Variants in TRHDE observed in about 807,000 individuals in gnomAD.
The protein encoded by TRHDE is thyrotropin-releasing hormone-degrading ectoenzyme.
A neutral mutation model predicts 125.7 loss-of-function variants in TRHDE; 72 were observed. That is an observed-to-expected ratio of 0.57 (90% CI 0.47 to 0.70). The LOEUF (loss-of-function observed/expected upper bound fraction) is 0.70. TRHDE is among the 30% of genes least tolerant of loss of function. The probability of loss-of-function intolerance (pLI) is 0.00; values close to 1 mark genes in which losing one functional copy is unlikely to be tolerated. For synonymous variants in TRHDE, 509 were observed against 509.1 expected, an observed-to-expected ratio of 1.00 and a Z score of 0.00; for missense variants, 1,110 against 1,327.1, an observed-to-expected ratio of 0.84 and a Z score of 2.54.
At position 72,534,486 on chromosome 12, in the gene TRHDE, G is replaced by A. The variant is rs567717647; in HGVS notation, c.1723-7805G>A. ...CATTGCCTGAGAATGCTCAAAGAAT[G>A]TACGGTCCCAGTGAAAGATATATGC... On this transcript the variant is annotated intron_variant, in intron 6 of 18. Coordinates refer to ENST00000261180, the MANE Select transcript of TRHDE (RefSeq NM_013381.3). 3.9e-5 allele frequency among the ~76,000 whole-genome samples: 6 copies of A among 152,138 alleles called. No homozygotes were observed. The South Asian group carries it at 1.2e-3, about 32-fold the overall frequency.
intron 2 of TRHDE, among the ~76,000 whole-genome samples, chr12:72,300,929 C>T (rs929272773): frequency 6.6e-6 from 1 of 152,014 alleles, no homozygotes; most frequent in Non-Finnish European, 1.5e-5. Flanking sequence ...TAGCCCTGTG[C>T]GGTTATTTCT....
intron 2 of TRHDE, among the ~76,000 whole-genome samples, chr12:72,344,583 T>C (rs1485500424): frequency 2.0e-5 from 3 of 152,110 alleles, no homozygotes; most frequent in Admixed American, 6.5e-5. Context: ...GATAGGATGA[T>C]GCAAGTGGGC....
chr12:72,128,896 A>T (rs1275572065), intron 2 of TRHDE, among the ~76,000 whole-genome samples: 1 of 152,166 alleles, frequency 6.6e-6, no homozygotes, highest in African/African-American at 2.4e-5. Context: ...AAAATTTCCA[A>T]ATTTAATGTA....
intron 3 of TRHDE, among the ~76,000 whole-genome samples, chr12:72,398,930 C>T (rs1239625399): frequency 6.6e-6 from 1 of 152,126 alleles, no homozygotes; most frequent in Non-Finnish European, 1.5e-5. Context: ...GGTTCCCCAA[C>T]CCCCAGGCTG....
rs1181505742 is a variant in TRHDE at position 72,666,420 on chromosome 12, G to A, written c.*3225G>A. ...AAATGAAAACTAGCCAGGCATGGTG[G>A]TGTGCACCTGTTGTCCCAGCTACTG... On this transcript the variant is annotated 3_prime_UTR_variant, in exon 19 of 19. Transcript: ENST00000261180. 1 of 152,102 alleles carries A rather than the reference G, an allele frequency of 6.6e-6. No homozygotes were observed. Among genetic ancestry groups the A allele is most frequent in the Non-Finnish European group, 1.5e-5 (1 of 68,044 alleles). 9.4% of individuals were successfully genotyped at this position (152,102 alleles called of 1,614,324 possible). A position where few individuals can be genotyped will look rare whatever the true frequency, so the allele number is the denominator to read the frequency against.
In TRHDE at chr12:72,503,226, T is replaced by C. The variant is rs567041531; in HGVS notation, c.1722+3591T>C. 7.2e-5 allele frequency among the ~76,000 whole-genome samples: 11 copies of C among 152,308 alleles called. No homozygotes were observed. The East Asian group carries it at 1.9e-3, about 27-fold the overall frequency. On this transcript the variant is annotated intron_variant, in intron 6 of 18. Transcript: ENST00000261180. Reference sequence around the variant, plus strand: ...CATTTATTATATAATTTAATTCTTATAAGCATCTGATGGGGTTGTTATGAT... The same window carrying C: ...CATTTATTATATAATTTAATTCTTACAAGCATCTGATGGGGTTGTTATGAT...
At chr12:72,373,049 A>G (rs892338011) in intron 2 of TRHDE, among the ~76,000 whole-genome samples, 1 of 152,040 alleles carries the variant, frequency 6.6e-6, no homozygotes, top group Non-Finnish European at 1.5e-5. Flanking sequence ...ATTTGTTTGT[A>G]TCCTCTTTTA....
At chr12:72,394,247 T>C (rs1202228115) in intron 3 of TRHDE, among the ~76,000 whole-genome samples, 1 of 152,170 alleles carries the variant, frequency 6.6e-6, no homozygotes, top group Non-Finnish European at 1.5e-5. Flanking sequence ...AATAGTCCAA[T>C]TAACAGTAGA....
chr12:72,300,548 T>A lies in TRHDE; in HGVS notation c.1188+13594T>A, dbSNP rs142102731. Reference sequence around the variant, plus strand: ...TCTTGGGAGGCTTATAGAAATAATGTATGGCATATATGTGTGTGTGTGTGC... The same window carrying A: ...TCTTGGGAGGCTTATAGAAATAATGAATGGCATATATGTGTGTGTGTGTGC... On this transcript the variant is annotated intron_variant, in intron 2 of 18. Coordinates refer to ENST00000261180, the MANE Select transcript of TRHDE (RefSeq NM_013381.3). Among the ~76,000 whole-genome samples, 469 of 151,914 alleles carry A rather than the reference T, an allele frequency of 3.1e-3. 1 individual carries two copies. The highest frequency in any genetic ancestry group is 5.6e-3 in the Non-Finnish European group (380 of 67,904).
chr12:72,352,096 C>T (rs1870607207), intron 2 of TRHDE, among the ~76,000 whole-genome samples: 2 of 151,846 alleles, frequency 1.3e-5, no homozygotes, highest in African/African-American at 4.8e-5. Flanking sequence ...GAACGTTTGT[C>T]TCCTCTGCTT....
intron 2 of TRHDE, among the ~76,000 whole-genome samples, chr12:72,370,773 T>C (rs564433542): frequency 5.3e-5 from 8 of 152,082 alleles, no homozygotes; most frequent in African/African-American, 1.9e-4. Context: ...GATGGAGTCT[T>C]GCTCTGTCAC....
intron 18 of TRHDE, among the ~76,000 whole-genome samples, chr12:72,658,761 A>G (rs1874803704): frequency 6.6e-6 from 1 of 152,172 alleles, no homozygotes; most frequent in Admixed American, 6.5e-5. Flanking sequence ...CTTTTATTTC[A>G]TTATCTACAA....
At chr12:72,189,017 G>A (rs1877285673) in intron 2 of TRHDE, among the ~76,000 whole-genome samples, 1 of 152,116 alleles carries the variant, frequency 6.6e-6, no homozygotes. Flanking sequence ...CAGAAATGAG[G>A]ATAATAAAAT....
At chr12:72,552,625 G>T (rs1441856669) in intron 7 of TRHDE, among the ~76,000 whole-genome samples, 1 of 152,166 alleles carries the variant, frequency 6.6e-6, no homozygotes, top group Non-Finnish European at 1.5e-5. Context: ...AATGTTAAAT[G>T]GAGTAACAAG....
At chr12:72,597,964 C>A (rs951898791) in intron 12 of TRHDE, among the ~76,000 whole-genome samples, 1 of 150,776 alleles carries the variant, frequency 6.6e-6, no homozygotes, top group African/African-American at 2.4e-5. Context: ...TAAAATATAC[C>A]ATTCTTCAAA....
intron 3 of TRHDE, among the ~76,000 whole-genome samples, chr12:72,445,766 G>A (rs1486904063): frequency 6.6e-6 from 1 of 151,954 alleles, no homozygotes; most frequent in African/African-American, 2.4e-5. Flanking sequence ...TGGTCTTGAA[G>A]ATGTTATTAA....
chr12:72,568,168 G>GTAAA (rs1472063338), intron 9 of TRHDE, among the ~76,000 whole-genome samples: 3 of 152,004 alleles, frequency 2.0e-5, no homozygotes, highest in Non-Finnish European at 4.4e-5. Flanking sequence ...ATATTAAAAT[G>GTAAA]TAAATGCATG....
At position 72,663,096 on chromosome 12, in the gene TRHDE, T is replaced by C. The variant is rs1874980859; in HGVS notation, c.3111T>C (p.Ser1037=). 1 of 1,612,962 alleles carries C rather than the reference T, an allele frequency of 6.2e-7. No homozygotes were observed. Among genetic ancestry groups the C allele is most frequent in the Non-Finnish European group, 8.5e-7 (1 of 1,179,470 alleles). ...MKNYDGVAAA[S]FSRAVETVEA... Reference sequence around the variant, plus strand: ...ACTATGATGGGGTAGCTGCTGCTTCTTTCTCACGAGCTGTGGAAACTGTCG... The same window carrying C: ...ACTATGATGGGGTAGCTGCTGCTTCCTTCTCACGAGCTGTGGAAACTGTCG... The change falls in exon 19 of 19, where the codon TCT becomes TCC. Residue 1037 remains serine, a synonymous_variant. Coordinates refer to ENST00000261180, the MANE Select transcript of TRHDE (RefSeq NM_013381.3).
chr12:72,663,980 G>A lies in TRHDE; in HGVS notation c.*785G>A, dbSNP rs970602882. 6.6e-6 allele frequency: 1 copy of A among 152,008 alleles called. No individual in the cohort carries two copies. The highest frequency in any genetic ancestry group is 1.5e-5 in the Non-Finnish European group (1 of 67,984). 9.4% of individuals were successfully genotyped at this position (152,008 alleles called of 1,614,324 possible). ...ATTTATCTCTTTTTATAAACTTAAG[G>A]ACAGTTGCAAAAGGCTTCAAGGAAT... is the stretch of plus-strand genomic sequence containing the variant. On this transcript the variant is annotated 3_prime_UTR_variant, in exon 19 of 19. Transcript: ENST00000261180.
Sources: allele counts gnomAD v4.1 joint callset (sites outside exome capture counted in the v4.1 genomes callset), GRCh38; gene constraint gnomAD v4.1.1; transcripts MANE v1.5; gene names NCBI Gene and HGNC (gene_info 2026-07-23, HGNC 2026-07-21).